C3orf52: variants seen among roughly 807,000 people sequenced by gnomAD.
C3orf52 encodes the protein TPA-induced transmembrane protein.
A neutral mutation model predicts 24.8 loss-of-function variants in C3orf52; 22 were observed. That is an observed-to-expected ratio of 0.89 (90% CI 0.63 to 1.27). The LOEUF (loss-of-function observed/expected upper bound fraction) is 1.27. Ranked by LOEUF, C3orf52 falls within the 50% of genes most tolerant of loss-of-function variation. The pLI is 0.00. For missense variants in C3orf52, 265 were observed against 260.7 expected (o/e 1.02, Z -0.11); for synonymous variants, 93 against 100.2 (o/e 0.93, Z 0.43).
chr3:112,127,075 A>G lies in C3orf52; in HGVS notation c.*47-1158A>G, dbSNP rs770497022. 3.1e-6 allele frequency: 4 copies of G among 1,299,554 alleles called. No homozygotes were observed. In the South Asian group the frequency reaches 3.7e-5, roughly 12 times the overall value. 80.5% of individuals were successfully genotyped at this position (1,299,554 alleles called of 1,614,324 possible). A position where few individuals can be genotyped will look rare whatever the true frequency, so the allele number is the denominator to read the frequency against. ...AAGCAAATTGTTTTAATATTCAGAA[A>G]CTCTCAAAGGAAATGACACAAGCCT... On this transcript the variant is annotated intron_variant, in intron 4 of 4. Transcript: ENST00000480282.
chr3:112,126,736 C>A (rs2107805383), intron 4 of C3orf52, among the ~76,000 whole-genome samples: 1 of 152,294 alleles, frequency 6.6e-6, no homozygotes, highest in East Asian at 1.9e-4. Flanking sequence ...TGTATCCTTG[C>A]CCCCAGTTAC....
intron 4 of C3orf52, chr3:112,128,077 G>C: frequency 6.2e-7 from 1 of 1,611,720 alleles, no homozygotes; most frequent in Non-Finnish European, 8.5e-7. Flanking sequence ...ATACCCAAGA[G>C]AGATGGCAAA....
intron 3 of C3orf52, among the ~76,000 whole-genome samples, chr3:112,106,595 CT>C (rs1290577852): frequency 3.9e-5 from 6 of 152,210 alleles, no homozygotes; most frequent in Non-Finnish European, 7.3e-5. Context: ...CCCGGCGCCC[CT>C]GTCACTCAGG....
chr3:112,101,068 T>A (rs183971498), intron 2 of C3orf52, among the ~76,000 whole-genome samples: 6 of 152,324 alleles, frequency 3.9e-5, no homozygotes, highest in East Asian at 1.9e-4. Flanking sequence ...ACTTTTTTTT[T>A]AAATCATACA....
chr3:112,114,646 G>T (rs1287033937), intron 5 of C3orf52, among the ~76,000 whole-genome samples: 1 of 152,068 alleles, frequency 6.6e-6, no homozygotes, highest in Non-Finnish European at 1.5e-5. Context: ...AGAGGTTGCG[G>T]TGAGCCGAGA....
chr3:112,113,277 A>C, intron 5 of C3orf52, 132 bp downstream of exon 5: 1 of 654,396 alleles, frequency 1.5e-6, no homozygotes, highest in Non-Finnish European at 2.6e-6. Flanking sequence ...TTATTCACTC[A>C]TCCCCTCAGC....
chr3:112,132,040 G>C (rs2074466413), downstream of C3orf52, among the ~76,000 whole-genome samples: 1 of 151,870 alleles, frequency 6.6e-6, no homozygotes, highest in African/African-American at 2.4e-5. Context: ...GGAATTCAAA[G>C]ATAAATAAGA....
At chr3:112,089,263 C>T (rs4682083) in intron 1 of C3orf52, among the ~76,000 whole-genome samples, 128,414 of 152,190 alleles carry the variant, frequency 0.84, 56,482 homozygotes, top group Non-Finnish European at 0.97. Context: ...CAGCGGCTCA[C>T]GCCTGTAATC....
chr3:112,122,947 C>T (rs148543078), downstream of C3orf52: 686 of 159,454 alleles, frequency 4.3e-3, 2 homozygotes, highest in African/African-American at 0.016. Context: ...GGTCAAAGGA[C>T]ACTATGTAAA....
intron 1 of C3orf52, among the ~76,000 whole-genome samples, chr3:112,089,250 G>A (rs1360733145): frequency 6.6e-6 from 1 of 152,182 alleles, no homozygotes; most frequent in Non-Finnish European, 1.5e-5. Flanking sequence ...TTCAGGCCGG[G>A]TACAGCGGCT....
intron 2 of C3orf52, among the ~76,000 whole-genome samples, chr3:112,100,645 C>A (rs754066412): frequency 4.6e-5 from 7 of 152,128 alleles, no homozygotes; most frequent in Non-Finnish European, 5.9e-5. Context: ...CTATTGTTTT[C>A]TGAGGCATTG....
chr3:112,115,073 A>T (rs2074122184), intron 5 of C3orf52, among the ~76,000 whole-genome samples: 1 of 152,176 alleles, frequency 6.6e-6, no homozygotes, highest in African/African-American at 2.4e-5. Flanking sequence ...TCTTCTGGAA[A>T]TTGCATTCTT....
At position 112,097,425 on chromosome 3, in the gene C3orf52, T is replaced by C. The variant is rs374182017; in HGVS notation, c.268+3936T>C. On this transcript the variant is annotated intron_variant, in intron 2 of 5. Coordinates refer to ENST00000264848, the MANE Select transcript of C3orf52 (RefSeq NM_024616.3). Reference sequence around the variant, plus strand: ...TATACCCCAGATTCTTGCCTGACCCTAATCTCTTAATTTATACACCTTTTA... The same window carrying C: ...TATACCCCAGATTCTTGCCTGACCCCAATCTCTTAATTTATACACCTTTTA... 5.9e-5 allele frequency among the ~76,000 whole-genome samples: 9 copies of C among 152,326 alleles called. No homozygotes were observed. In the East Asian group the frequency reaches 7.7e-4, roughly 13 times the overall value.
downstream of C3orf52, chr3:112,119,622 CAG>C: frequency 1.5e-6 from 1 of 666,042 alleles, no homozygotes; most frequent in Non-Finnish European, 2.7e-6. Flanking sequence ...CTGTCCTATT[CAG>C]AGTCTGATCA....
rs762814436 is a variant in C3orf52 at position 112,127,025 on chromosome 3, A to AT, written c.*47-1201dup. 1.0e-5 allele frequency: 16 copies of AT among 1,582,204 alleles called. No homozygotes were observed. In the East Asian group the frequency reaches 1.8e-4, roughly 18 times the overall value. ...ATCTTGCCTCTTTTCAAAAATGAGT[A>AT]TTTTTTTCCTGTAAAAGAAAAGCAA... On this transcript the variant is annotated intron_variant, in intron 4 of 4. Coordinates refer to the C3orf52 transcript ENST00000480282.
At chr3:112,091,821 A>G (rs340160) in intron 1 of C3orf52, among the ~76,000 whole-genome samples, 145,665 of 151,948 alleles carry the variant, frequency 0.96, 70,061 homozygotes, top group Non-Finnish European at 1. Flanking sequence ...TGGCTAACAC[A>G]GTGAAACCCC....
chr3:112,133,522 C>T (rs1007748151), downstream of C3orf52: 4 of 186,140 alleles, frequency 2.1e-5, no homozygotes, highest in Admixed American at 1.2e-4. Context: ...AACAGTCAAG[C>T]CACAGACCTG....
chr3:112,118,866 T>C (rs1170644636), downstream of C3orf52, among the ~76,000 whole-genome samples: 1 of 152,238 alleles, frequency 6.6e-6, no homozygotes, highest in Non-Finnish European at 1.5e-5. Flanking sequence ...CAGAACCTGC[T>C]CCTGTTCCTC....
chr3:112,092,951 A>G (rs2107775466), intron 1 of C3orf52, among the ~76,000 whole-genome samples: 1 of 152,286 alleles, frequency 6.6e-6, no homozygotes, highest in Non-Finnish European at 1.5e-5. Context: ...TGGGACAGCT[A>G]TCAACACCCT....
Sources: allele counts gnomAD v4.1 joint callset (sites outside exome capture counted in the v4.1 genomes callset), GRCh38; gene constraint gnomAD v4.1.1; transcripts MANE v1.5; gene names NCBI Gene and HGNC (gene_info 2026-07-23, HGNC 2026-07-21).